Variants in PHKB observed in about 807,000 individuals in gnomAD.
The protein encoded by PHKB is phosphorylase b kinase regulatory subunit beta.
A neutral mutation model predicts 152.1 loss-of-function variants in PHKB; 122 were observed. The observed-to-expected ratio is 0.80, with a 90% CI of 0.69 to 0.93. The LOEUF (loss-of-function observed/expected upper bound fraction) is 0.93. Among genes scored for constraint, PHKB ranks in the 40% least tolerant of loss-of-function variants. The pLI, the probability that PHKB is intolerant of heterozygous loss-of-function variation, is 0.00. For synonymous variants in PHKB, 436 were observed against 464.9 expected (o/e 0.94, Z 0.80); for missense variants, 1,304 against 1,328.4 (o/e 0.98, Z 0.29).
chr16:47,535,839 G>T (rs935755685), intron 6 of PHKB, among the ~76,000 whole-genome samples: 1 of 152,138 alleles, frequency 6.6e-6, no homozygotes, highest in East Asian at 1.9e-4. Context: ...ATGACATTTG[G>T]ATCTGACTGT....
At chr16:47,551,568 G>A (rs1221969078) in intron 7 of PHKB, among the ~76,000 whole-genome samples, 3 of 152,162 alleles carry the variant, frequency 2.0e-5, no homozygotes, top group Non-Finnish European at 4.4e-5. Flanking sequence ...ATTGCACTGT[G>A]GTTTGAGAGA....
chr16:47,547,038 A>T (rs907200728), intron 6 of PHKB, among the ~76,000 whole-genome samples: 1 of 152,138 alleles, frequency 6.6e-6, no homozygotes, highest in African/African-American at 2.4e-5. Context: ...GGAAAGGGAA[A>T]TTCCCTGACC....
intron 5 of PHKB, among the ~76,000 whole-genome samples, chr16:47,513,904 T>A (rs1241525131): frequency 6.6e-6 from 1 of 152,230 alleles, no homozygotes; most frequent in Non-Finnish European, 1.5e-5. Flanking sequence ...TTTGATGGTT[T>A]TTAGTATATT....
At chr16:47,560,691 A>G (rs1261031730) in intron 7 of PHKB, among the ~76,000 whole-genome samples, 2 of 152,194 alleles carry the variant, frequency 1.3e-5, no homozygotes, top group African/African-American at 4.8e-5. Context: ...TAGTGCTGGG[A>G]CAGCTGGATG....
At chr16:47,554,172 C>A (rs1488445545) in intron 7 of PHKB, among the ~76,000 whole-genome samples, 1 of 152,168 alleles carries the variant, frequency 6.6e-6, no homozygotes, top group Non-Finnish European at 1.5e-5. Flanking sequence ...TATGTATAAG[C>A]CCCTGACTGT....
chr16:47,631,578 A>G (rs1441871270), intron 14 of PHKB, among the ~76,000 whole-genome samples: 2 of 152,096 alleles, frequency 1.3e-5, no homozygotes, highest in Non-Finnish European at 2.9e-5. Context: ...TGCTGCACCT[A>G]TCAACCCGTC....
chr16:47,543,728 G>C (rs1458144148), intron 6 of PHKB, among the ~76,000 whole-genome samples: 2 of 152,072 alleles, frequency 1.3e-5, no homozygotes, highest in African/African-American at 4.8e-5. Flanking sequence ...TTTAGTCATG[G>C]GAGGCTGTAG....
At chr16:47,601,286 T>C (rs1294148243) in intron 13 of PHKB, among the ~76,000 whole-genome samples, 1 of 152,184 alleles carries the variant, frequency 6.6e-6, no homozygotes, top group Non-Finnish European at 1.5e-5. Flanking sequence ...TAAAGAAATA[T>C]AAAGTTAATG....
intron 1 of PHKB, 86 bp downstream of exon 1, chr16:47,461,512 C>A: frequency 7.3e-7 from 1 of 1,367,014 alleles, no homozygotes; most frequent in Non-Finnish European, 1.0e-6. Flanking sequence ...CAGGTGGGGG[C>A]CCTGGGAATG....
intron 7 of PHKB, among the ~76,000 whole-genome samples, chr16:47,558,210 A>C (rs1597084333): frequency 7.2e-6 from 1 of 138,960 alleles, no homozygotes. Context: ...CAGGAAGGGG[A>C]ACATCACTCT....
intron 4 of PHKB, among the ~76,000 whole-genome samples, chr16:47,511,003 G>T (rs1456770284): frequency 6.6e-6 from 1 of 152,096 alleles, no homozygotes; most frequent in African/African-American, 2.4e-5. Flanking sequence ...TAAAGAAATG[G>T]GTGGATTTTT....
intron 7 of PHKB, among the ~76,000 whole-genome samples, chr16:47,571,572 C>CT (rs766315652): frequency 1.3e-5 from 2 of 152,182 alleles, no homozygotes; most frequent in African/African-American, 4.8e-5. Context: ...CAGTGGGACT[C>CT]TATCTCTCAT....
At chr16:47,623,156 G>A (rs1218864416) in intron 14 of PHKB, among the ~76,000 whole-genome samples, 1 of 152,106 alleles carries the variant, frequency 6.6e-6, no homozygotes, top group East Asian at 1.9e-4. Flanking sequence ...TCAGGGTTGT[G>A]TTTATGATTA....
chr16:47,649,455 C>T (rs955582273), intron 18 of PHKB, among the ~76,000 whole-genome samples: 5 of 152,048 alleles, frequency 3.3e-5, no homozygotes, highest in Admixed American at 3.3e-4. Context: ...AGATACAATT[C>T]AGAAAAACAG....
intron 7 of PHKB, among the ~76,000 whole-genome samples, chr16:47,558,452 G>A (rs1260634115): frequency 6.6e-6 from 1 of 152,124 alleles, no homozygotes; most frequent in Non-Finnish European, 1.5e-5. Context: ...TTTCTAAATA[G>A]CTTGCTGTTG....
intron 6 of PHKB, among the ~76,000 whole-genome samples, chr16:47,536,951 G>T (rs1037411246): frequency 6.6e-6 from 1 of 152,188 alleles, no homozygotes; most frequent in Non-Finnish European, 1.5e-5. Flanking sequence ...TTTTCATTTG[G>T]AAATGAGCAA....
intron 7 of PHKB, among the ~76,000 whole-genome samples, chr16:47,549,792 C>T (rs1971239426): frequency 6.6e-6 from 1 of 152,144 alleles, no homozygotes; most frequent in Non-Finnish European, 1.5e-5. Context: ...GTCAGAAGGT[C>T]CCTGGTGACA....
chr16:47,572,340 C>A (rs1047993827), intron 7 of PHKB, among the ~76,000 whole-genome samples: 3 of 152,226 alleles, frequency 2.0e-5, no homozygotes, highest in Non-Finnish European at 4.4e-5. Flanking sequence ...TTGTTACTTT[C>A]TCTTATGTGC....
chr16:47,537,902 C>CTCTCTCTCTCTCTT (rs71380327), intron 6 of PHKB, among the ~76,000 whole-genome samples: 2 of 149,230 alleles, frequency 1.3e-5, no homozygotes, highest in African/African-American at 5.1e-5. Flanking sequence ...CTCTCTCTCT[C>CTCTCTCTCTCTCTT]TTTTTAAGTT....
Sources: gnomAD v4.1 joint callset for allele counts (sites outside exome capture counted in the v4.1 genomes callset) on GRCh38, gnomAD v4.1.1 for gene constraint, MANE v1.5 for transcripts, NCBI Gene and HGNC (gene_info 2026-07-23, HGNC 2026-07-21) for gene names.